POLR3E: variants seen among roughly 807,000 people sequenced by gnomAD.
POLR3E encodes the protein DNA-directed RNA polymerase III subunit RPC5.
In POLR3E, 41 loss-of-function variants were observed where a neutral mutation model predicts 96.6. That is an observed-to-expected ratio of 0.42 (90% confidence interval 0.33 to 0.55). The LOEUF (loss-of-function observed/expected upper bound fraction) is 0.55, where lower values mean the gene tolerates loss of function less well. Among genes scored for constraint, POLR3E ranks in the 20% least tolerant of loss-of-function variants. The probability of loss-of-function intolerance (pLI) is 0.06; values close to 1 mark genes in which losing one functional copy is unlikely to be tolerated. For missense variants in POLR3E, 849 were observed against 952.1 expected (o/e 0.89, Z 1.43); for synonymous variants, 396 against 383.6 (o/e 1.03, Z -0.38).
rs751733223 is a variant in POLR3E, at chr16:22,326,104, C to T, written c.1692C>T (p.Ala564=). ...ASTPVARELK[A]FVEATFQRQF... ...CCCCTGTGGCTCGGGAACTGAAGGC[C>T]TTCGTGGAGGCCACCTTTCAGAGAC... Residue 564 remains alanine (A), a synonymous_variant, in exon 18 of 21, where the codon GCC becomes GCT. Coordinates refer to ENST00000299853, the MANE Select transcript of POLR3E (RefSeq NM_018119.4). The T allele has an allele frequency of 3.1e-6, 5 of 1,613,860 alleles. No individual in the cohort carries two copies. The highest frequency in any genetic ancestry group is 4.2e-6 in the Non-Finnish European group (5 of 1,179,962).
intron 18 of POLR3E, chr16:22,326,686 C>T (rs1018879988): frequency 5.1e-5 from 15 of 296,394 alleles, no homozygotes; most frequent in Non-Finnish European, 9.2e-5. Context: ...GAAACTGAGG[C>T]TCCAAGGAAT....
At chr16:22,303,636 TCC>T (rs892431969) in intron 2 of POLR3E, among the ~76,000 whole-genome samples, 6 of 140,668 alleles carry the variant, frequency 4.3e-5, no homozygotes, top group African/African-American at 1.5e-4. Context: ...GAGGCAGATT[TCC>T]CTTTTTTTTT....
chr16:22,298,871 A>C (rs2047962347), intron 1 of POLR3E: 4 of 437,540 alleles, frequency 9.1e-6, no homozygotes, highest in Non-Finnish European at 1.8e-5. Context: ...TATTGAGAGA[A>C]CCAGCACTGG....
In POLR3E at chr16:22,325,242, C is replaced by T. The variant is rs781531432; in HGVS notation, c.1324C>T (p.Pro442Ser). The stretch of plus-strand genomic sequence containing the variant: ...CTATAATCTTGTAAAGGAAACCATG[C>T]CAAAGAAGCCGGATGCACAATCAGG... ...KVYNLVKETMPKKPDAQSGPA... is the reference protein window; with the variant it reads ...KVYNLVKETMSKKPDAQSGPA... The change falls in exon 17 of 21, where the codon CCA becomes TCA. Residue 442 changes from proline (P) to serine (S), a missense_variant. Physicochemically the swap from Pro to Ser is moderately conservative, Grantham distance 74. Coordinates refer to ENST00000299853, the MANE Select transcript of POLR3E (RefSeq NM_018119.4). 1 of 1,613,772 alleles carries T rather than the reference C, an allele frequency of 6.2e-7. No homozygotes were observed. Among genetic ancestry groups the T allele is most frequent in the Admixed American group, 1.7e-5 (1 of 60,006 alleles).
At chr16:22,323,013 C>G in intron 14 of POLR3E, 82 bp downstream of exon 14, 1 of 916,618 alleles carries the variant, frequency 1.1e-6, no homozygotes, top group Non-Finnish European at 1.7e-6. Context: ...AAGACCGGGG[C>G]CCGGCAGAGG....
chr16:22,332,887 A>T (rs1409434699), intron 20 of POLR3E, among the ~76,000 whole-genome samples: 4 of 151,892 alleles, frequency 2.6e-5, no homozygotes, highest in Non-Finnish European at 5.9e-5. Context: ...TTTTGATTAA[A>T]CATCCAGAGC....
chr16:22,328,512 TC>T lies in POLR3E; in HGVS notation c.1876del (p.Gln626ArgfsTer20). ...AGCKQILVPF[P>X]PQTAASPDEQ... is the part of the protein sequence containing the mutation. ...ACTCACCCCTGGGCCTTGGTCAGTT[TC>T]CCCCCCAGACTGCTGCTTCCCCGGA... On this transcript the variant is annotated frameshift_variant, in exon 19 of 21. Transcript: ENST00000299853. LOFTEE classifies it high-confidence loss of function. 1 of 1,613,538 alleles carries T rather than the reference TC, an allele frequency of 6.2e-7. No homozygotes were observed. The highest frequency in any genetic ancestry group is 8.5e-7 in the Non-Finnish European group (1 of 1,179,670).
rs760383677 is a variant in POLR3E at position 22,324,405 on chromosome 16, G to A, written c.1120G>A (p.Val374Met). Residue 374 changes from valine to methionine, a missense_variant, in exon 15 of 21, where the codon GTG becomes ATG. Physicochemically the swap from Val to Met is conservative, Grantham distance 21. Coordinates refer to ENST00000299853, the MANE Select transcript of POLR3E (RefSeq NM_018119.4). ...GGTGGTTAGGAAAGAGGTGGCAACC[G>A]TGACCAAAGTAAGTGGCGTTTTTGT... ...RWVVRKEVAT[V>M]TKLCAEDVKD... 1.6e-5 allele frequency: 26 copies of A among 1,612,416 alleles called. No individual in the cohort carries two copies. Among genetic ancestry groups the A allele is most frequent in the Admixed American group, 1.7e-5 (1 of 59,962 alleles).
intron 9 of POLR3E, 49 bp from the exon 10 acceptor site, chr16:22,316,552 C>T: frequency 6.8e-7 from 1 of 1,475,514 alleles, no homozygotes; most frequent in Non-Finnish European, 9.5e-7. Flanking sequence ...GGGGCCCAGG[C>T]CAGGGCCATC....
chr16:22,307,096 G>A (rs1253368273), intron 3 of POLR3E, among the ~76,000 whole-genome samples: 6 of 152,162 alleles, frequency 3.9e-5, no homozygotes, highest in Non-Finnish European at 5.9e-5. Flanking sequence ...AGCCACCATC[G>A]GCTCTGTTTG....
intron 6 of POLR3E, chr16:22,310,468 G>C (rs1412033242): frequency 6.6e-6 from 1 of 152,122 alleles, no homozygotes; most frequent in African/African-American, 2.4e-5. Flanking sequence ...TGTATCTTTA[G>C]TAGAGATGGG....
chr16:22,311,802 T>G (rs2048253629), intron 6 of POLR3E, among the ~76,000 whole-genome samples: 2 of 152,190 alleles, frequency 1.3e-5, no homozygotes, highest in South Asian at 4.1e-4. Flanking sequence ...AGCCTAGGTA[T>G]ATTTAGATAC....
At position 22,313,830 on chromosome 16, in the gene POLR3E, C is replaced by T; in HGVS notation, c.472+103C>T. 2.4e-6 allele frequency: 2 copies of T among 820,668 alleles called. No individual in the cohort carries two copies. The highest frequency in any genetic ancestry group is 4.0e-6 in the Non-Finnish European group (2 of 501,308). 50.8% of individuals were successfully genotyped at this position (820,668 alleles called of 1,614,324 possible). ...GGATGATAGGATGTTTAGCAGGATC[C>T]CTGGCCTCTACCTACTAGATGCCAG... On this transcript the variant is annotated intron_variant, in intron 7 of 20. Coordinates refer to ENST00000299853, the MANE Select transcript of POLR3E (RefSeq NM_018119.4). This position sits in a 1 kb window ranked among gnomAD's most constrained non-coding sequence, Gnocchi z 4.1.
intron 18 of POLR3E, chr16:22,327,034 AGG>A (rs1385740379): frequency 6.6e-6 from 1 of 152,430 alleles, no homozygotes; most frequent in Non-Finnish European, 1.5e-5. Context: ...CCCTGCGCTG[AGG>A]ATAGAGAGCG....
In POLR3E at chr16:22,317,008, A is replaced by T. The variant is rs753916340; in HGVS notation, c.742A>T (p.Met248Leu). 1 of 1,614,144 alleles carries T rather than the reference A, an allele frequency of 6.2e-7. No homozygotes were observed. Among genetic ancestry groups the T allele is most frequent in the South Asian group, 1.1e-5 (1 of 91,084 alleles). Reference protein sequence around the residue: ...LVKSPSEYLMMLMPPSQEEEK... With the variant: ...LVKSPSEYLMLLMPPSQEEEK... The stretch of plus-strand genomic sequence containing the variant: ...ATGTCCCTGCAGTGAGTACCTGATG[A>T]TGCTGATGCCACCCAGCCAGGAGGA... Residue 248 changes from methionine (M) to leucine (L), a missense_variant, in exon 11 of 21, where the codon ATG becomes TTG. Transcript: ENST00000299853.
At position 22,313,283 on chromosome 16, in the gene POLR3E, G is replaced by A. The variant is rs112104384; in HGVS notation, c.365-337G>A. On this transcript the variant is annotated intron_variant, in intron 6 of 20. Coordinates refer to ENST00000299853, the MANE Select transcript of POLR3E (RefSeq NM_018119.4). The surrounding 1 kb of genome is among the most constrained non-coding windows in gnomAD (Gnocchi z 4.1). ...AGGCCTGGAGGGTAAACAGCAGGGC[G>A]AATTTGATGAGGATTAGCTGCCTAG... Among the ~76,000 whole-genome samples the A allele has an allele frequency of 5.3e-5, 8 of 152,320 alleles. No homozygotes were observed. Among genetic ancestry groups the A allele is most frequent in the Non-Finnish European group, 7.4e-5 (5 of 68,026 alleles).
At chr16:22,321,387 T>C (rs913546459) in intron 13 of POLR3E, among the ~76,000 whole-genome samples, 1 of 152,244 alleles carries the variant, frequency 6.6e-6, no homozygotes, top group African/African-American at 2.4e-5. Context: ...TTGTAGAGTA[T>C]ATTCGTGTTA....
chr16:22,324,045 C>T (rs1251610990), intron 14 of POLR3E, among the ~76,000 whole-genome samples: 3 of 151,728 alleles, frequency 2.0e-5, no homozygotes, highest in Admixed American at 6.5e-5. Flanking sequence ...GGAGCCCCTC[C>T]CAGCCCGAGT....
At chr16:22,332,589 G>A (rs1407297191) in intron 20 of POLR3E, among the ~76,000 whole-genome samples, 1 of 152,138 alleles carries the variant, frequency 6.6e-6, no homozygotes, top group Non-Finnish European at 1.5e-5. Context: ...TGGTAGGTTG[G>A]ATGAGCTTGG....
Sources: gnomAD v4.1 joint callset for allele counts (sites outside exome capture counted in the v4.1 genomes callset) on GRCh38, gnomAD v4.1.1 for gene constraint, Gnocchi (gnomAD v3.1) non-coding constraint, MANE v1.5 for transcripts, NCBI Gene and HGNC (gene_info 2026-07-23, HGNC 2026-07-21) for gene names.